PIEZO2: variants seen among roughly 807,000 people sequenced by gnomAD.
PIEZO2 encodes piezo type mechanosensitive ion channel component 2.
PIEZO2 carries 172 observed loss-of-function variants against 337.3 expected under a neutral mutation model. The ratio of observed to expected loss-of-function variants is 0.51; its 90% CI spans 0.45 to 0.58. The LOEUF is 0.58. Among genes scored for constraint, PIEZO2 ranks in the 20% least tolerant of loss-of-function variants. PIEZO2 has a pLI of 0.00. For synonymous variants in PIEZO2, 1,251 were observed against 1,228.5 expected, an observed-to-expected ratio of 1.02 and a Z score of -0.38; for missense variants, 3,028 against 3,391.3, an observed-to-expected ratio of 0.89 and a Z score of 2.66.
At chr18:10,941,308 T>C (rs1200718291) in intron 3 of PIEZO2, among the ~76,000 whole-genome samples, 2 of 152,290 alleles carry the variant, frequency 1.3e-5, no homozygotes, top group African/African-American at 2.4e-5. Context: ...TCCCTTGTAA[T>C]ATTAGATAAT....
At chr18:10,866,437 C>T (rs1021236032) in intron 5 of PIEZO2, among the ~76,000 whole-genome samples, 1 of 152,108 alleles carries the variant, frequency 6.6e-6, no homozygotes, top group African/African-American at 2.4e-5. Context: ...AGGCACCCGC[C>T]ACCACACCTG....
rs1217928467 is a variant in PIEZO2 at position 10,671,391 on chromosome 18, C to G, written c.*136G>C. The G allele has an allele frequency of 5.5e-6, 5 of 912,174 alleles. No homozygotes were observed. The highest frequency in any genetic ancestry group is 7.9e-6 in the Non-Finnish European group (5 of 632,880). The allele number at this position is 912,174 out of a possible 1,614,324, so 56.5% of individuals were successfully genotyped here. On this transcript the variant is annotated 3_prime_UTR_variant, in exon 56 of 56. Transcript: ENST00000674853. ...GGTAGCTTTTACTGCAGAAGGATAT[C>G]AGCTCCTTTTGTCTACCTATCAGAA...
rs2040807229 is a variant in PIEZO2, at chr18:10,830,289, A to G, written c.918-23015T>C. On this transcript the variant is annotated intron_variant, in intron 7 of 55. Transcript: ENST00000674853. The surrounding 1 kb of genome is among the most constrained non-coding windows in gnomAD (Gnocchi z 4.7). The stretch of plus-strand genomic sequence containing the variant: ...TATCTCTCACCACACACAACAATAA[A>G]TCAAAATGAATTAAAGACTTAAAGA... Among the ~76,000 whole-genome samples, 1 of 152,198 alleles carries G rather than the reference A, an allele frequency of 6.6e-6. No homozygotes were observed. The highest frequency in any genetic ancestry group is 1.5e-5 in the Non-Finnish European group (1 of 68,016).
At chr18:10,823,046 A>G (rs1366866036) in intron 7 of PIEZO2, among the ~76,000 whole-genome samples, 5 of 152,154 alleles carry the variant, frequency 3.3e-5, no homozygotes, top group African/African-American at 1.2e-4. Flanking sequence ...TTCTTTCATG[A>G]TTCAGAAAGT....
At chr18:10,976,188 G>C (rs901624914) in intron 3 of PIEZO2, among the ~76,000 whole-genome samples, 11 of 152,114 alleles carry the variant, frequency 7.2e-5, no homozygotes, top group African/African-American at 2.7e-4. Flanking sequence ...TGAAAACCTG[G>C]TCTGTGTCAA....
intron 2 of PIEZO2, among the ~76,000 whole-genome samples, chr18:10,981,915 G>A (rs1205847091): frequency 6.6e-6 from 1 of 152,164 alleles, no homozygotes; most frequent in Non-Finnish European, 1.5e-5. Context: ...TTTGCCAGGG[G>A]CACTTGGGCC....
chr18:10,780,472 T>C, intron 17 of PIEZO2, 106 bp from the exon 18 acceptor site: 1 of 674,156 alleles, frequency 1.5e-6, no homozygotes, highest in Non-Finnish European at 2.7e-6. Context: ...CCCTTAAGCT[T>C]CCTAGCATCA....
At chr18:11,023,081 C>T (rs2036375107) in intron 2 of PIEZO2, among the ~76,000 whole-genome samples, 1 of 152,170 alleles carries the variant, frequency 6.6e-6, no homozygotes. Context: ...GTGAGTGTTA[C>T]AGCTCATAAA....
chr18:10,671,425 A>C lies in PIEZO2; in HGVS notation c.*102T>G. ...TTGTCTACCTATCAGAAGAGAAACA[A>C]ACCATTTCCGTCGAACTAGAAATGC... is the stretch of plus-strand genomic sequence containing the variant. On this transcript the variant is annotated 3_prime_UTR_variant, in exon 56 of 56. Coordinates refer to ENST00000674853, the MANE Select transcript of PIEZO2 (RefSeq NM_001378183.1). 1.5e-6 allele frequency: 2 copies of C among 1,295,136 alleles called. No homozygotes were observed. Among genetic ancestry groups the C allele is most frequent in the Non-Finnish European group, 2.1e-6 (2 of 962,930 alleles). 80.2% of individuals were successfully genotyped at this position (1,295,136 alleles called of 1,614,324 possible).
intron 2 of PIEZO2, among the ~76,000 whole-genome samples, chr18:11,057,356 C>A (rs907425392): frequency 6.6e-6 from 1 of 152,156 alleles, no homozygotes; most frequent in Non-Finnish European, 1.5e-5. Context: ...GCCTTATCTA[C>A]TGAGGTAATT....
intron 3 of PIEZO2, among the ~76,000 whole-genome samples, chr18:10,941,613 G>A (rs1019225779): frequency 1.4e-4 from 22 of 151,944 alleles, no homozygotes; most frequent in Non-Finnish European, 3.1e-4. Context: ...TATTTCTCTA[G>A]GACAAATGTT....
In PIEZO2 at chr18:10,753,106, C is replaced by T. The variant is rs533085813; in HGVS notation, c.3924-227G>A. ...ATGCTTCTCGTCACCTTATTCAGGC[C>T]AAATTTCTCACAAACAACAACATTT... On this transcript the variant is annotated intron_variant, in intron 27 of 55. Coordinates refer to ENST00000674853, the MANE Select transcript of PIEZO2 (RefSeq NM_001378183.1). Among the ~76,000 whole-genome samples the T allele has an allele frequency of 2.6e-5, 4 of 152,254 alleles. No individual in the cohort carries two copies. The East Asian group carries it at 7.7e-4, about 29-fold the overall frequency.
At position 11,097,219 on chromosome 18, in the gene PIEZO2, A is replaced by G. The variant is rs2039286909; in HGVS notation, c.65-30997T>C. ...ATATGTTTAAATGATTGAAAAAAAA[A>G]GTCAAAAGAAGACTAGATCATGAAA... On this transcript the variant is annotated intron_variant, in intron 1 of 55. Coordinates refer to ENST00000674853, the MANE Select transcript of PIEZO2 (RefSeq NM_001378183.1). The surrounding 1 kb of genome is among the most constrained non-coding windows in gnomAD (Gnocchi z 5.0). Among the ~76,000 whole-genome samples the G allele has an allele frequency of 6.6e-6, 1 of 152,230 alleles. No homozygotes were observed. The highest frequency in any genetic ancestry group is 2.4e-5 in the African/African-American group (1 of 41,470).
At chr18:11,014,215 GC>G (rs1201567595) in intron 2 of PIEZO2, among the ~76,000 whole-genome samples, 1 of 149,894 alleles carries the variant, frequency 6.7e-6, no homozygotes, top group Admixed American at 6.6e-5. Context: ...GCGATCTAGG[GC>G]CCCCCTCATT....
chr18:10,896,156 C>T (rs958325330), intron 4 of PIEZO2, among the ~76,000 whole-genome samples: 4 of 152,016 alleles, frequency 2.6e-5, no homozygotes, highest in African/African-American at 9.7e-5. Flanking sequence ...ACTAGTATTC[C>T]TGGGGACTGG....
rs1056862846 is a variant in PIEZO2, at chr18:10,830,656, G to A, written c.918-23382C>T. On this transcript the variant is annotated intron_variant, in intron 7 of 55. Coordinates refer to ENST00000674853, the MANE Select transcript of PIEZO2 (RefSeq NM_001378183.1). This position sits in a 1 kb window ranked among gnomAD's most constrained non-coding sequence, Gnocchi z 4.7. ...TGGGTAATACCTGAAAAGCACAGAC[G>A]ACCAAAGCAAAAATGAGCAAATGGA... is the stretch of plus-strand genomic sequence containing the variant. Among the ~76,000 whole-genome samples the A allele has an allele frequency of 2.0e-5, 3 of 152,200 alleles. No individual in the cohort carries two copies. Among genetic ancestry groups the A allele is most frequent in the South Asian group, 2.1e-4 (1 of 4,824 alleles).
intron 4 of PIEZO2, among the ~76,000 whole-genome samples, chr18:10,905,184 T>A (rs1027425656): frequency 1.3e-5 from 2 of 152,236 alleles, no homozygotes; most frequent in Admixed American, 1.3e-4. Context: ...AATTAAAGAA[T>A]TTAGAAGCCC....
chr18:10,847,814 A>T lies in PIEZO2; in HGVS notation c.917+7539T>A, dbSNP rs934866994. ...TGAAACCTACACTTGTTTATCATGTATCATCTGCCAACTTCACAAATTAAA... is the reference window on the plus strand; with the variant it reads ...TGAAACCTACACTTGTTTATCATGTTTCATCTGCCAACTTCACAAATTAAA... On this transcript the variant is annotated intron_variant, in intron 7 of 55. Transcript: ENST00000674853. This position sits in a 1 kb window ranked among gnomAD's most constrained non-coding sequence, Gnocchi z 5.7. Among the ~76,000 whole-genome samples, 1 of 152,224 alleles carries T rather than the reference A, an allele frequency of 6.6e-6. No individual in the cohort carries two copies. Among genetic ancestry groups the T allele is most frequent in the South Asian group, 2.1e-4 (1 of 4,828 alleles).
At chr18:10,809,260 C>CT (rs869210659) in intron 7 of PIEZO2, among the ~76,000 whole-genome samples, 1,097 of 65,856 alleles carry the variant, frequency 0.017, 230 homozygotes, top group African/African-American at 0.022. Context: ...CTCTCTCTCT[C>CT]TTTTTTTTTT....
Sources: allele counts gnomAD v4.1 joint callset (sites outside exome capture counted in the v4.1 genomes callset), GRCh38; gene constraint gnomAD v4.1.1; non-coding constraint Gnocchi (gnomAD v3.1); transcripts MANE v1.5; gene names NCBI Gene and HGNC (gene_info 2026-07-23, HGNC 2026-07-21).